Variants in CTNNAL1 observed in about 807,000 individuals in gnomAD.
CTNNAL1 encodes alpha-catulin.
CTNNAL1 carries 69 observed loss-of-function variants against 93.6 expected under a neutral mutation model. The observed-to-expected ratio is 0.74, with a 90% CI of 0.61 to 0.90. The LOEUF (loss-of-function observed/expected upper bound fraction) is 0.90. CTNNAL1 is among the 40% of genes least tolerant of loss of function. CTNNAL1 has a pLI of 0.00. For missense variants in CTNNAL1, 836 were observed against 862.0 expected, an observed-to-expected ratio of 0.97 and a Z score of 0.38; for synonymous variants, 286 against 305.4, an observed-to-expected ratio of 0.94 and a Z score of 0.66.
At chr9:109,009,178 G>A (rs947992798) in intron 1 of CTNNAL1, among the ~76,000 whole-genome samples, 1 of 152,034 alleles carries the variant, frequency 6.6e-6, no homozygotes, top group Non-Finnish European at 1.5e-5. Flanking sequence ...CTACAGGTGT[G>A]AGCCACTGCG....
chr9:108,998,571 T>C (rs1195417680), intron 2 of CTNNAL1, among the ~76,000 whole-genome samples: 3 of 152,136 alleles, frequency 2.0e-5, no homozygotes, highest in African/African-American at 4.8e-5. Flanking sequence ...TGAATATTTA[T>C]TGAAAAAATT....
At chr9:108,957,899 C>A (rs916233163) in intron 11 of CTNNAL1, among the ~76,000 whole-genome samples, 18 of 151,966 alleles carry the variant, frequency 1.2e-4, no homozygotes, top group African/African-American at 3.4e-4. Context: ...AAGTGGATCA[C>A]CCAAGGTCAG....
chr9:108,943,839 A>G (rs778996913), intron 16 of CTNNAL1, 23 bp from the exon 17 acceptor site: 2 of 1,610,112 alleles, frequency 1.2e-6, no homozygotes, highest in South Asian at 2.2e-5. Context: ...TTAACAAGTT[A>G]TAACAGCCCG....
chr9:108,994,239 A>G (rs1480037202), intron 2 of CTNNAL1, among the ~76,000 whole-genome samples: 2 of 152,128 alleles, frequency 1.3e-5, no homozygotes, highest in Non-Finnish European at 2.9e-5. Context: ...TCAAAAAAAA[A>G]AAAGAAAGAT....
intron 4 of CTNNAL1, among the ~76,000 whole-genome samples, chr9:108,986,198 C>T (rs1831599762): frequency 1.4e-5 from 2 of 147,094 alleles, no homozygotes; most frequent in Admixed American, 1.4e-4. Context: ...CCACAACAGT[C>T]CCCAGAGTGT....
chr9:108,970,146 G>C (rs1220667966), intron 10 of CTNNAL1, among the ~76,000 whole-genome samples: 1 of 152,150 alleles, frequency 6.6e-6, no homozygotes, highest in African/African-American at 2.4e-5. Context: ...CAAGTGCATT[G>C]TAAACAGCTT....
intron 15 of CTNNAL1, among the ~76,000 whole-genome samples, chr9:108,946,502 T>A (rs192124364): frequency 5.9e-4 from 90 of 152,304 alleles, no homozygotes; most frequent in Non-Finnish European, 9.7e-4. Flanking sequence ...TCTCACTTCA[T>A]TACTGTCTCT....
rs754888790 is a variant in CTNNAL1 at position 108,992,751 on chromosome 9, T to C, written c.400A>G (p.Ile134Val). ...ATCACTCCTGTTTTGTCTGTAAAAATTGTGATCTGCCCATCAGATTCCAGA... is the reference window on the plus strand; with the variant it reads ...ATCACTCCTGTTTTGTCTGTAAAAACTGTGATCTGCCCATCAGATTCCAGA... Reference protein sequence around the residue: ...NHLESDGQITIFTDKTGVIKA... With the variant: ...NHLESDGQITVFTDKTGVIKA... The change falls in exon 3 of 19, where the codon ATT becomes GTT. Residue 134 changes from isoleucine (I) to valine (V), a missense_variant. By Grantham distance (29) the Ile-to-Val change is conservative. Transcript: ENST00000325551. The C allele has an allele frequency of 1.1e-5, 17 of 1,613,834 alleles. No individual in the cohort carries two copies. In the East Asian group the frequency reaches 2.2e-4, roughly 21 times the overall value.
At chr9:108,946,668 A>G (rs1277122757) in intron 15 of CTNNAL1, among the ~76,000 whole-genome samples, 1 of 152,188 alleles carries the variant, frequency 6.6e-6, no homozygotes, top group Non-Finnish European at 1.5e-5. Flanking sequence ...CATAAGCTCT[A>G]TGGGGGCAGG....
chr9:108,991,981 G>C lies in CTNNAL1; in HGVS notation c.519+651C>G, dbSNP rs1312262212. Reference sequence around the variant, plus strand: ...TTTTGAGATTATTCAGTAACATTTAGGGACTCTGAGTACAGAAATTTTGTA... The same window carrying C: ...TTTTGAGATTATTCAGTAACATTTACGGACTCTGAGTACAGAAATTTTGTA... On this transcript the variant is annotated intron_variant, in intron 3 of 18. Coordinates refer to ENST00000325551, the MANE Select transcript of CTNNAL1 (RefSeq NM_003798.4). 13 of 720,950 alleles carry C rather than the reference G, an allele frequency of 1.8e-5. No homozygotes were observed. The East Asian group carries it at 3.3e-4, about 18-fold the overall frequency. 44.7% of individuals were successfully genotyped at this position (720,950 alleles called of 1,614,324 possible).
chr9:108,961,084 T>C (rs935642462), intron 11 of CTNNAL1, among the ~76,000 whole-genome samples: 3 of 152,230 alleles, frequency 2.0e-5, no homozygotes, highest in Non-Finnish European at 4.4e-5. Flanking sequence ...CTTACAAGTA[T>C]GCCTGGTAGT....
intron 1 of CTNNAL1, among the ~76,000 whole-genome samples, chr9:109,010,439 T>C (rs1827173137): frequency 6.6e-6 from 1 of 152,238 alleles, no homozygotes; most frequent in African/African-American, 2.4e-5. Context: ...AGTAGAAGCA[T>C]AGCAGGCACC....
chr9:109,001,851 A>G (rs956966375), intron 1 of CTNNAL1, among the ~76,000 whole-genome samples: 1 of 152,208 alleles, frequency 6.6e-6, no homozygotes, highest in Non-Finnish European at 1.5e-5. Flanking sequence ...CACAGAAACC[A>G]TAAGATAATG....
intron 10 of CTNNAL1, among the ~76,000 whole-genome samples, chr9:108,967,704 G>A (rs868621416): frequency 1.1e-4 from 16 of 152,272 alleles, no homozygotes; most frequent in Middle Eastern, 6.8e-3. Context: ...GAAGTCATTT[G>A]GGATGGGGCA....
At chr9:108,992,200 C>T in intron 3 of CTNNAL1, 1 of 574,788 alleles carries the variant, frequency 1.7e-6, no homozygotes, top group Non-Finnish European at 3.1e-6. Flanking sequence ...ACCAATAAGC[C>T]TTAACAAGTG....
intron 1 of CTNNAL1, among the ~76,000 whole-genome samples, chr9:109,005,650 A>G (rs1827001935): frequency 6.6e-6 from 1 of 152,226 alleles, no homozygotes; most frequent in South Asian, 2.1e-4. Flanking sequence ...CCCAGCCTAC[A>G]TAACTGTGAG....
chr9:108,992,949 C>A, intron 2 of CTNNAL1, 130 bp from the exon 3 acceptor site: 2 of 992,796 alleles, frequency 2.0e-6, no homozygotes, highest in Non-Finnish European at 2.9e-6. Context: ...GAACAAGAAA[C>A]GGTTTCACCT....
chr9:108,947,115 C>CTTTT (rs34477684), intron 15 of CTNNAL1, among the ~76,000 whole-genome samples: 1 of 136,272 alleles, frequency 7.3e-6, no homozygotes, highest in Non-Finnish European at 1.6e-5. Flanking sequence ...AAATTTCTTT[C>CTTTT]TTTTTTTTTT....
intron 4 of CTNNAL1, among the ~76,000 whole-genome samples, chr9:108,986,941 T>G (rs1831628816): frequency 6.6e-6 from 1 of 152,232 alleles, no homozygotes; most frequent in African/African-American, 2.4e-5. Context: ...CTTTGTCAGA[T>G]GAGTAGGTTG....
Sources: allele counts gnomAD v4.1 joint callset (sites outside exome capture counted in the v4.1 genomes callset), GRCh38; gene constraint gnomAD v4.1.1; transcripts MANE v1.5; gene names NCBI Gene and HGNC (gene_info 2026-07-23, HGNC 2026-07-21).